NCAM2: variants seen among roughly 807,000 people sequenced by gnomAD.
The protein encoded by NCAM2 is neural cell adhesion molecule 2.
NCAM2 carries 30 observed loss-of-function variants against 98.1 expected under a neutral mutation model. That is an observed-to-expected ratio of 0.31 (90% CI 0.23 to 0.41). The LOEUF is 0.41. Ranked by LOEUF, NCAM2 falls within the 10% of genes least tolerant of loss-of-function variation. The pLI is 1.00. For synonymous variants in NCAM2, 368 were observed against 342.4 expected (o/e 1.07, Z -0.83); for missense variants, 867 against 1,005.8 (o/e 0.86, Z 1.87).
At chr21:21,141,439 A>C (rs528291169) in intron 1 of NCAM2, among the ~76,000 whole-genome samples, 24 of 152,316 alleles carry the variant, frequency 1.6e-4, no homozygotes, top group Non-Finnish European at 7.4e-5. Context: ...TTTATAAAAA[A>C]TCCTCTTATC....
intron 12 of NCAM2, among the ~76,000 whole-genome samples, chr21:21,458,674 G>A (rs959176635): frequency 2.0e-5 from 3 of 152,150 alleles, no homozygotes; most frequent in Admixed American, 6.5e-5. Context: ...CCAGAACTGC[G>A]ACAAATAAAA....
intron 17 of NCAM2, among the ~76,000 whole-genome samples, chr21:21,537,080 T>G (rs1300448966): frequency 6.6e-6 from 1 of 152,034 alleles, no homozygotes; most frequent in African/African-American, 2.4e-5. Flanking sequence ...TTTCTGAATT[T>G]TATTTTATTT....
chr21:21,459,412 GTA>G lies in NCAM2; in HGVS notation c.1655-7189_1655-7188del, dbSNP rs909871715. Among the ~76,000 whole-genome samples the G allele has an allele frequency of 4.3e-3, 636 of 146,580 alleles. 2 individuals carry two copies. The highest frequency in any genetic ancestry group is 0.016 in the African/African-American group (609 of 38,324). ...GTGAATGAATGGTTAAAGAAAATATGTATATACACACACACACACACATATGC... is the reference window on the plus strand; with the variant it reads ...GTGAATGAATGGTTAAAGAAAATATGTATACACACACACACACACATATGC... On this transcript the variant is annotated intron_variant, in intron 12 of 17. Transcript: ENST00000400546.
intron 1 of NCAM2, among the ~76,000 whole-genome samples, chr21:21,102,283 A>C (rs1373846456): frequency 6.6e-6 from 1 of 152,214 alleles, no homozygotes; most frequent in Admixed American, 6.6e-5. Flanking sequence ...TTACTTTTAA[A>C]ATTGTAAAAA....
At chr21:21,056,523 T>TGTGTGTGC (rs1555877351) in intron 1 of NCAM2, among the ~76,000 whole-genome samples, 1 of 145,286 alleles carries the variant, frequency 6.9e-6, no homozygotes, top group Admixed American at 6.9e-5. Flanking sequence ...TGTGTGTGTG[T>TGTGTGTGC]GCATGAGAGA....
chr21:21,475,577 C>G (rs973543810), intron 14 of NCAM2, among the ~76,000 whole-genome samples: 1 of 152,144 alleles, frequency 6.6e-6, no homozygotes, highest in Non-Finnish European at 1.5e-5. Flanking sequence ...ACCTTACTGT[C>G]CATTGATTAA....
At chr21:21,220,684 A>G (rs1002434617) in intron 1 of NCAM2, among the ~76,000 whole-genome samples, 23 of 152,092 alleles carry the variant, frequency 1.5e-4, no homozygotes, top group Non-Finnish European at 4.4e-5. Context: ...ATTCTTCAAA[A>G]TCATACTCCT....
intron 1 of NCAM2, among the ~76,000 whole-genome samples, chr21:21,030,775 T>A (rs2064665249): frequency 6.6e-6 from 1 of 152,210 alleles, no homozygotes; most frequent in African/African-American, 2.4e-5. Flanking sequence ...CAGTATTAAT[T>A]GATTAGTCAG....
chr21:21,096,671 G>T (rs1240553181), intron 1 of NCAM2, among the ~76,000 whole-genome samples: 2 of 151,600 alleles, frequency 1.3e-5, no homozygotes, highest in African/African-American at 4.8e-5. Flanking sequence ...ATCTTTCTAA[G>T]TTTGGATCAG....
chr21:21,312,591 T>G (rs980010622), intron 5 of NCAM2, among the ~76,000 whole-genome samples: 2 of 110 alleles, frequency 0.018, no homozygotes, highest in Non-Finnish European at 0.037. Flanking sequence ...AACTTAATGT[T>G]GATATATTTC....
intron 9 of NCAM2, among the ~76,000 whole-genome samples, chr21:21,378,043 C>T (rs1019379864): frequency 6.6e-6 from 1 of 151,928 alleles, no homozygotes; most frequent in African/African-American, 2.4e-5. Flanking sequence ...AATAGTATTC[C>T]ACTGTGTATC....
At chr21:21,305,369 CACTTTT>C (rs1408540012) in intron 5 of NCAM2, among the ~76,000 whole-genome samples, 1 of 151,908 alleles carries the variant, frequency 6.6e-6, no homozygotes, top group African/African-American at 2.4e-5. Context: ...TGAATAAAGA[CACTTTT>C]ACTTATTCCT....
intron 11 of NCAM2, among the ~76,000 whole-genome samples, chr21:21,431,139 G>C (rs910444710): frequency 1.3e-5 from 2 of 150,062 alleles, no homozygotes; most frequent in Non-Finnish European, 3.0e-5. Context: ...GTGTGTGTGT[G>C]TGTGTGTATA....
At position 21,111,935 on chromosome 21, in the gene NCAM2, A is replaced by G. The variant is rs138466695; in HGVS notation, c.55+113317A>G. Among the ~76,000 whole-genome samples, 317 of 152,290 alleles carry G rather than the reference A, an allele frequency of 2.1e-3. 3 individuals are homozygous for G. The South Asian group carries it at 0.028, about 14-fold the overall frequency. The stretch of plus-strand genomic sequence containing the variant: ...TAAAGTTTCATAGATGGTTTCTGGC[A>G]TAGTAGATTAATGTTTATTGTGTAA... On this transcript the variant is annotated intron_variant, in intron 1 of 17. Transcript: ENST00000400546.
intron 1 of NCAM2, among the ~76,000 whole-genome samples, chr21:21,202,004 G>A (rs780739001): frequency 2.0e-5 from 3 of 152,114 alleles, no homozygotes; most frequent in Non-Finnish European, 4.4e-5. Flanking sequence ...ATGCATCAGT[G>A]TCGCTTAAAT....
chr21:21,479,583 C>CAAAAAAAAAAAAA lies in NCAM2; in HGVS notation c.2077+2125_2077+2137dup, dbSNP rs1156588500. Among the ~76,000 whole-genome samples the CAAAAAAAAAAAAA allele has an allele frequency of 2.7e-3, 83 of 30,964 alleles. 6 individuals carry two copies. The highest frequency in any genetic ancestry group is 3.8e-3 in the Non-Finnish European group (57 of 14,882). 20.3% of individuals were successfully genotyped at this position (30,964 alleles called of 152,430 possible). A position where few individuals can be genotyped will look rare whatever the true frequency, so the allele number is the denominator to read the frequency against. ...TGGGAGACAGAGCGAGACTGCGTCTCAAAAAAAAAAAAAAAAAAAAAAAAA... is the reference window on the plus strand; with the variant it reads ...TGGGAGACAGAGCGAGACTGCGTCTCAAAAAAAAAAAAAAAAAAAAAAAAAAAAAAAAAAAAAA... On this transcript the variant is annotated intron_variant, in intron 15 of 17. Coordinates refer to ENST00000400546, the MANE Select transcript of NCAM2 (RefSeq NM_004540.5).
chr21:21,392,876 C>T (rs574957716), intron 9 of NCAM2, among the ~76,000 whole-genome samples: 4 of 152,016 alleles, frequency 2.6e-5, no homozygotes, highest in African/African-American at 9.7e-5. Context: ...AGTTTGCAAA[C>T]ATTTTCTTCC....
At chr21:21,257,008 A>T (rs911445881) in intron 1 of NCAM2, among the ~76,000 whole-genome samples, 11 of 152,240 alleles carry the variant, frequency 7.2e-5, no homozygotes, top group Non-Finnish European at 1.6e-4. Flanking sequence ...GCAGCAATTC[A>T]TCTTTTTAAT....
chr21:21,221,322 G>T (rs542912128), intron 1 of NCAM2, among the ~76,000 whole-genome samples: 2 of 151,880 alleles, frequency 1.3e-5, no homozygotes, highest in Non-Finnish European at 2.9e-5. Context: ...AGTCAAACAG[G>T]TCTCTCAATT....
Sources: allele counts gnomAD v4.1 joint callset (sites outside exome capture counted in the v4.1 genomes callset), GRCh38; gene constraint gnomAD v4.1.1; transcripts MANE v1.5; gene names NCBI Gene and HGNC (gene_info 2026-07-23, HGNC 2026-07-21).